The following KDM4B variants were observed in gnomAD, a reference collection of about 807,000 sequenced individuals.
KDM4B encodes lysine-specific demethylase 4B.
A neutral mutation model predicts 125.2 loss-of-function variants in KDM4B; 32 were observed. The ratio of observed to expected loss-of-function variants is 0.26; its 90% CI spans 0.19 to 0.34. The LOEUF (loss-of-function observed/expected upper bound fraction) is 0.34. Among genes scored for constraint, KDM4B ranks in the 10% least tolerant of loss-of-function variants. KDM4B has a pLI of 1.00. For missense variants in KDM4B, 1,190 were observed against 1,577.7 expected (o/e 0.75, Z 4.16); for synonymous variants, 721 against 677.9 (o/e 1.06, Z -0.99).
At chr19:5,143,890 G>T in intron 18 of KDM4B, 77 bp from the exon 19 acceptor site, 1 of 1,188,400 alleles carries the variant, frequency 8.4e-7, no homozygotes, top group Non-Finnish European at 1.2e-6. Context: ...GGCTGTGCCG[G>T]GAGGGGCCGG....
rs760633239 is a variant in KDM4B, at chr19:5,135,415, G to A, written c.2162G>A (p.Arg721His). Residue 721 changes from arginine (R) to histidine (H), a missense_variant, in exon 15 of 23, where the codon CGT becomes CAT. By Grantham distance (29) the Arg-to-His change is conservative. Coordinates refer to ENST00000159111, the MANE Select transcript of KDM4B (RefSeq NM_015015.3). ...CCGGCCACATTACCCTCCAAAAGCC[G>A]TCAGAAGACCCGACCGCTCATCCCT... is the stretch of plus-strand genomic sequence containing the variant. ...GCPATLPSKSRQKTRPLIPEM... is the reference protein window; with the variant it reads ...GCPATLPSKSHQKTRPLIPEM... 2.2e-5 allele frequency: 36 copies of A among 1,613,550 alleles called. No homozygotes were observed. Among genetic ancestry groups the A allele is most frequent in the Middle Eastern group, 3.3e-4 (2 of 6,084 alleles).
chr19:5,034,870 G>A (rs928316831), intron 3 of KDM4B, among the ~76,000 whole-genome samples: 2 of 152,200 alleles, frequency 1.3e-5, no homozygotes, highest in Non-Finnish European at 2.9e-5. Context: ...CCAGGCTGGG[G>A]TGCTGGGGTG....
At chr19:4,996,076 C>T (rs1351010874) in intron 1 of KDM4B, among the ~76,000 whole-genome samples, 1 of 152,024 alleles carries the variant, frequency 6.6e-6, no homozygotes, top group African/African-American at 2.4e-5. Context: ...CCGCAGCCTC[C>T]TCCTCCCAGT....
intron 11 of KDM4B, among the ~76,000 whole-genome samples, chr19:5,129,429 C>G (rs2039505323): frequency 6.6e-6 from 1 of 152,228 alleles, no homozygotes; most frequent in South Asian, 2.1e-4. Flanking sequence ...GACTGTGGAG[C>G]TGGGGGCAGC....
intron 9 of KDM4B, among the ~76,000 whole-genome samples, chr19:5,105,008 G>A (rs936288951): frequency 2.0e-5 from 3 of 152,140 alleles, no homozygotes; most frequent in Non-Finnish European, 2.9e-5. Flanking sequence ...CGGGAGAGTC[G>A]CACCCCCTGG....
In KDM4B at chr19:5,072,697, A is replaced by G. The variant is rs1225312782; in HGVS notation, c.676+1638A>G. Among the ~76,000 whole-genome samples the G allele has an allele frequency of 2.0e-5, 3 of 152,372 alleles. No homozygotes were observed. The East Asian group carries it at 5.8e-4, about 29-fold the overall frequency. On this transcript the variant is annotated intron_variant, in intron 7 of 22. Transcript: ENST00000159111. ...TAGCATCCTGAGGCTCCTGTAACAAATGACCACAGAATTAATGGCTGAAAA... is the reference window on the plus strand; with the variant it reads ...TAGCATCCTGAGGCTCCTGTAACAAGTGACCACAGAATTAATGGCTGAAAA...
chr19:4,986,171 C>G (rs936403261), intron 1 of KDM4B, among the ~76,000 whole-genome samples: 86 of 152,282 alleles, frequency 5.6e-4, no homozygotes, highest in African/African-American at 1.9e-3. Context: ...CTGATGTGCC[C>G]CGTGTGCCAT....
rs541207668 is a variant in KDM4B, at chr19:5,138,131, G to A, written c.2550+61G>A. On this transcript the variant is annotated intron_variant, in intron 18 of 22. Transcript: ENST00000159111. ...CCTCTAGGGCTGCCGGCCATGCTCG[G>A]CTCCCCACCTGCGCGATCTGAAGCG... is the stretch of plus-strand genomic sequence containing the variant. 4.2e-5 allele frequency: 55 copies of A among 1,306,610 alleles called. No homozygotes were observed. The South Asian group carries it at 6.4e-4, about 15-fold the overall frequency. 80.9% of individuals were successfully genotyped at this position (1,306,610 alleles called of 1,614,324 possible).
chr19:5,082,219 C>A lies in KDM4B; in HGVS notation c.781-148C>A. The A allele has an allele frequency of 1.2e-6, 1 of 862,312 alleles. No homozygotes were observed. Among genetic ancestry groups the A allele is most frequent in the Non-Finnish European group, 1.7e-6 (1 of 572,746 alleles). The allele number at this position is 862,312 out of a possible 1,614,324, so 53.4% of individuals were successfully genotyped here. ...GGGAAATGGGCTGGAGCCCTGGAGC[C>A]CCTGGAGCCGCTGGATCACCTTTGA... On this transcript the variant is annotated intron_variant, in intron 8 of 22. Transcript: ENST00000159111. This position sits in a 1 kb window ranked among gnomAD's most constrained non-coding sequence, Gnocchi z 5.4.
chr19:5,032,824 T>A lies in KDM4B; in HGVS notation c.-25-42T>A, dbSNP rs113013839. Reference sequence around the variant, plus strand: ...GAGGACGGGCTCCAAGGGCTGGGCATGGCGGCACCGCTGGTTCACCCTCTC... The same window carrying A: ...GAGGACGGGCTCCAAGGGCTGGGCAAGGCGGCACCGCTGGTTCACCCTCTC... On this transcript the variant is annotated intron_variant, in intron 2 of 22. Coordinates refer to ENST00000159111, the MANE Select transcript of KDM4B (RefSeq NM_015015.3). 3 of 1,569,900 alleles carry A rather than the reference T, an allele frequency of 1.9e-6. No individual in the cohort carries two copies. The African/African-American group carries it at 4.1e-5, about 21-fold the overall frequency.
chr19:5,080,940 C>T (rs1020821302), intron 8 of KDM4B: 2 of 152,206 alleles, frequency 1.3e-5, no homozygotes, highest in African/African-American at 2.4e-5. Flanking sequence ...TGGAAGACAA[C>T]AGGCACGTGT....
At chr19:5,124,579 A>G (rs557733720) in intron 11 of KDM4B, among the ~76,000 whole-genome samples, 8 of 152,238 alleles carry the variant, frequency 5.3e-5, no homozygotes, top group African/African-American at 1.7e-4. Context: ...CTGGCTAGCA[A>G]AGGACTGTGG....
intron 1 of KDM4B, among the ~76,000 whole-genome samples, chr19:5,007,612 C>T (rs528234993): frequency 7.6e-6 from 1 of 132,298 alleles, no homozygotes; most frequent in African/African-American, 2.8e-5. Context: ...GTGGCACAAA[C>T]ATAGCTCACT....
rs1010661987 is a variant in KDM4B, at chr19:5,035,973, G to A, written c.141+2942G>A. On this transcript the variant is annotated intron_variant, in intron 3 of 22. Coordinates refer to ENST00000159111, the MANE Select transcript of KDM4B (RefSeq NM_015015.3). The surrounding 1 kb of genome is among the most constrained non-coding windows in gnomAD (Gnocchi z 5.3). ...AGCTTGGCAGCTGCAGAGTCACGTTGGCACCCGCATGTGGCACACGCACAC... is the reference window on the plus strand; with the variant it reads ...AGCTTGGCAGCTGCAGAGTCACGTTAGCACCCGCATGTGGCACACGCACAC... Among the ~76,000 whole-genome samples, 18 of 152,012 alleles carry A rather than the reference G, an allele frequency of 1.2e-4. No individual in the cohort carries two copies. Among genetic ancestry groups the A allele is most frequent in the African/African-American group, 4.3e-4 (18 of 41,398 alleles).
At chr19:5,037,175 C>T (rs1014686946) in intron 3 of KDM4B, among the ~76,000 whole-genome samples, 1 of 152,198 alleles carries the variant, frequency 6.6e-6, no homozygotes, top group Non-Finnish European at 1.5e-5. Context: ...CACGGCTTCC[C>T]CTCGGCCAGC....
At chr19:4,973,445 T>C (rs995943241) in intron 1 of KDM4B, among the ~76,000 whole-genome samples, 2 of 152,114 alleles carry the variant, frequency 1.3e-5, no homozygotes, top group African/African-American at 4.8e-5. Context: ...TGCCTCGGCC[T>C]CCCAAAGTGC....
At chr19:5,149,247 C>T (rs1381966372) in intron 21 of KDM4B, among the ~76,000 whole-genome samples, 2 of 152,246 alleles carry the variant, frequency 1.3e-5, no homozygotes, top group African/African-American at 4.8e-5. Flanking sequence ...CACACTTCCG[C>T]GATGGTCTTA....
intron 8 of KDM4B, 27 bp downstream of exon 8, chr19:5,077,497 T>C (rs770749659): frequency 1.9e-6 from 3 of 1,585,888 alleles, no homozygotes; most frequent in South Asian, 1.1e-5. Context: ...CCTGCACGCC[T>C]GTGGGTGAAG....
intron 2 of KDM4B, among the ~76,000 whole-genome samples, chr19:5,023,419 G>A (rs1439044630): frequency 3.3e-5 from 5 of 152,356 alleles, no homozygotes; most frequent in Middle Eastern, 3.4e-3. Context: ...GCCGAGTGGC[G>A]TTCTCGTGCT....
Sources: allele counts gnomAD v4.1 joint callset (sites outside exome capture counted in the v4.1 genomes callset), GRCh38; gene constraint gnomAD v4.1.1; non-coding constraint Gnocchi (gnomAD v3.1); transcripts MANE v1.5; gene names NCBI Gene and HGNC (gene_info 2026-07-23, HGNC 2026-07-21).